The following NXPE4 variants were observed in gnomAD, a reference collection of about 807,000 sequenced individuals.
NXPE4 encodes the protein neurexophilin and PC-esterase domain family member 4.
A neutral mutation model predicts 33.3 loss-of-function variants in NXPE4; 42 were observed. That is an observed-to-expected ratio of 1.26 (90% CI 0.98 to 1.63). The LOEUF is 1.63. NXPE4 is among the 40% of genes most tolerant of loss of function. The probability of loss-of-function intolerance (pLI) is 0.00; values close to 1 mark genes in which losing one functional copy is unlikely to be tolerated. For missense variants in NXPE4, 709 were observed against 647.6 expected (o/e 1.09, Z -1.03); for synonymous variants, 253 against 234.9 (o/e 1.08, Z -0.71).
At chr11:114,639,999 A>G in the NXPE4 span, among the ~76,000 whole-genome samples, 2 of 119,192 alleles carry the variant, frequency 1.7e-5, no homozygotes, top group Non-Finnish European at 3.2e-5. Context: ...AATGTTATAT[A>G]ATGTAATAAT....
chr11:114,666,630 A>C, the NXPE4 span, among the ~76,000 whole-genome samples: 1 of 152,152 alleles, frequency 6.6e-6, no homozygotes, highest in Non-Finnish European at 1.5e-5. Context: ...TAAATCATAT[A>C]AGCCCTTAGT....
At chr11:114,622,337 C>T in the NXPE4 span, among the ~76,000 whole-genome samples, 1 of 147,886 alleles carries the variant, frequency 6.8e-6, no homozygotes, top group Non-Finnish European at 1.5e-5. Flanking sequence ...CCCAATGCAT[C>T]ATAAGTGTTG....
rs1459574065 is a variant in NXPE4, at chr11:114,579,962, A to T, written c.1099+170T>A. 3.9e-5 allele frequency among the ~76,000 whole-genome samples: 6 copies of T among 152,302 alleles called. No homozygotes were observed. The South Asian group carries it at 6.2e-4, about 16-fold the overall frequency. ...TACACTGCTTTCCTTCCAGTTAGAT[A>T]GCTGTATTGTTTTTTTAAAGGAAGG... On this transcript the variant is annotated intron_variant, in intron 5 of 5. Coordinates refer to ENST00000375478, the MANE Select transcript of NXPE4 (RefSeq NM_001077639.2).
the NXPE4 span, among the ~76,000 whole-genome samples, chr11:114,624,956 C>A: frequency 6.6e-6 from 1 of 152,122 alleles, no homozygotes; most frequent in Non-Finnish European, 1.5e-5. Context: ...CGTGAGTAAC[C>A]ACTGTCACCT....
At chr11:114,633,019 A>ATAATATATAATAATATATATTATATATTT in the NXPE4 span, among the ~76,000 whole-genome samples, 2 of 109,448 alleles carry the variant, frequency 1.8e-5, no homozygotes, top group Non-Finnish European at 3.3e-5. Flanking sequence ...ATTATATAAT[A>ATAATATATAATAATATATATTATATATTT]TATAATGTAA....
chr11:114,602,960 C>T, the NXPE4 span, among the ~76,000 whole-genome samples: 2 of 149,318 alleles, frequency 1.3e-5, no homozygotes, highest in Admixed American at 1.3e-4. Flanking sequence ...ATCTCATATA[C>T]AATTACAGAA....
the NXPE4 span, among the ~76,000 whole-genome samples, chr11:114,621,141 G>T: frequency 6.6e-6 from 1 of 152,034 alleles, no homozygotes; most frequent in African/African-American, 2.4e-5. Context: ...ATTGTTTCAT[G>T]GGTAAACACT....
chr11:114,667,860 A>T, the NXPE4 span, among the ~76,000 whole-genome samples: 1 of 152,280 alleles, frequency 6.6e-6, no homozygotes, highest in East Asian at 1.9e-4. Context: ...CCACCCAAAT[A>T]AGCCACTCCT....
chr11:114,656,067 A>G, the NXPE4 span, among the ~76,000 whole-genome samples: 1 of 152,190 alleles, frequency 6.6e-6, no homozygotes, highest in East Asian at 1.9e-4. Flanking sequence ...ACTGATAAGC[A>G]ACTTCAGCAA....
chr11:114,583,616 G>T (rs1196743098), intron 2 of NXPE4: 3 of 593,854 alleles, frequency 5.1e-6, no homozygotes, highest in Non-Finnish European at 1.0e-5. Flanking sequence ...GGCAAGTGCT[G>T]TGAAACTTAA....
chr11:114,652,980 G>A, the NXPE4 span, among the ~76,000 whole-genome samples: 1 of 152,168 alleles, frequency 6.6e-6, no homozygotes, highest in Non-Finnish European at 1.5e-5. Flanking sequence ...AAAGATGACT[G>A]TGAGAAGCAA....
intron 2 of NXPE4, 43 bp downstream of exon 2, chr11:114,594,621 A>C: frequency 7.6e-7 from 1 of 1,323,730 alleles, no homozygotes; most frequent in Non-Finnish European, 1.1e-6. Flanking sequence ...GGTAATAAGC[A>C]AAAATAAGCT....
In NXPE4 at chr11:114,570,925, A is replaced by G. The variant is rs1372935766; in HGVS notation, c.*13T>C. The stretch of plus-strand genomic sequence containing the variant: ...TTTTACTTAAGTGAATGAATTTCAG[A>G]CTTTTGTGTTATTTAACAAATATAG... On this transcript the variant is annotated 3_prime_UTR_variant, in exon 6 of 6. Coordinates refer to ENST00000375478, the MANE Select transcript of NXPE4 (RefSeq NM_001077639.2). 6.5e-7 allele frequency: 1 copy of G among 1,534,418 alleles called. No homozygotes were observed. The highest frequency in any genetic ancestry group is 1.4e-5 in the African/African-American group (1 of 71,154).
the NXPE4 span, among the ~76,000 whole-genome samples, chr11:114,615,789 C>G: frequency 6.6e-6 from 1 of 151,590 alleles, no homozygotes; most frequent in Non-Finnish European, 1.5e-5. Flanking sequence ...CCACTGTTAC[C>G]CAATGGATAA....
At chr11:114,631,646 A>C in the NXPE4 span, among the ~76,000 whole-genome samples, 2 of 151,964 alleles carry the variant, frequency 1.3e-5, no homozygotes, top group Non-Finnish European at 2.9e-5. Context: ...CACATTGTGC[A>C]CAGGTACCCT....
chr11:114,644,576 A>C, the NXPE4 span, among the ~76,000 whole-genome samples: 1 of 152,216 alleles, frequency 6.6e-6, no homozygotes, highest in East Asian at 1.9e-4. Flanking sequence ...AAATTAAAAT[A>C]AGATATAAAA....
chr11:114,630,880 T>C, the NXPE4 span, among the ~76,000 whole-genome samples: 1 of 151,644 alleles, frequency 6.6e-6, no homozygotes, highest in Non-Finnish European at 1.5e-5. Flanking sequence ...AACAGACACT[T>C]CTTAAAAGAA....
At chr11:114,675,419 C>T in the NXPE4 span, among the ~76,000 whole-genome samples, 5 of 151,564 alleles carry the variant, frequency 3.3e-5, no homozygotes, top group Non-Finnish European at 5.9e-5. Context: ...AAAGACTCCA[C>T]CAAAAAACTG....
chr11:114,671,574 A>G, the NXPE4 span, among the ~76,000 whole-genome samples: 1 of 152,050 alleles, frequency 6.6e-6, no homozygotes, highest in Admixed American at 6.6e-5. Flanking sequence ...GGTAACCACA[A>G]TAAGACTAAC....
Sources: allele counts gnomAD v4.1 joint callset (sites outside exome capture counted in the v4.1 genomes callset), GRCh38; gene constraint gnomAD v4.1.1; transcripts MANE v1.5; gene names NCBI Gene and HGNC (gene_info 2026-07-23, HGNC 2026-07-21).